The following LVRN variants were observed in gnomAD, a reference collection of about 807,000 sequenced individuals.
LVRN encodes the protein laeverin.
In LVRN, 99 loss-of-function variants were observed where a neutral mutation model predicts 111.4. The observed-to-expected ratio is 0.89, with a 90% CI of 0.76 to 1.05. The LOEUF (loss-of-function observed/expected upper bound fraction) is 1.05, where lower values mean the gene tolerates loss of function less well. Ranked by LOEUF, LVRN falls within the 50% of genes least tolerant of loss-of-function variation. The probability of loss-of-function intolerance (pLI) is 0.00; values close to 1 mark genes in which losing one functional copy is unlikely to be tolerated. For synonymous variants in LVRN, 488 were observed against 449.5 expected, an observed-to-expected ratio of 1.09 and a Z score of -1.08; for missense variants, 1,414 against 1,206.8, an observed-to-expected ratio of 1.17 and a Z score of -2.54.
intron 6 of LVRN, among the ~76,000 whole-genome samples, chr5:115,997,605 G>A (rs1265403397): frequency 1.3e-5 from 2 of 151,848 alleles, no homozygotes; most frequent in African/African-American, 2.4e-5. Context: ...TTGAAGCTGC[G>A]GCGAGCTATG....
At chr5:115,966,937 A>T (rs10463675) in intron 1 of LVRN, among the ~76,000 whole-genome samples, 1 of 151,932 alleles carries the variant, frequency 6.6e-6, no homozygotes, top group East Asian at 1.9e-4. Flanking sequence ...TGCCATCTGT[A>T]TATCAGTCAG....
At chr5:115,999,126 G>A (rs900307624) in intron 6 of LVRN, among the ~76,000 whole-genome samples, 5 of 152,156 alleles carry the variant, frequency 3.3e-5, no homozygotes, top group African/African-American at 9.7e-5. Context: ...AAGACTCTCT[G>A]GCTATAAACT....
At chr5:115,988,668 G>A (rs1176884313) in intron 4 of LVRN, among the ~76,000 whole-genome samples, 1 of 152,140 alleles carries the variant, frequency 6.6e-6, no homozygotes, top group Non-Finnish European at 1.5e-5. Context: ...GTAAATATTT[G>A]GGAGCTTGAG....
Position 115,962,757 on chromosome 5 carries a change from A to G in LVRN, c.140A>G (p.Glu47Gly), listed in dbSNP as rs1212629161. The change falls in exon 1 of 20, where the codon GAG (glutamate) becomes GGG (glycine). Residue 47 changes from glutamate to glycine, a missense_variant. Coordinates refer to ENST00000357872, the MANE Select transcript of LVRN (RefSeq NM_173800.5). ...YGHCERVPPS[E>G]LPGLRDLEAE... is the part of the protein sequence containing the mutation. The stretch of plus-strand genomic sequence containing the variant: ...CACTGCGAGCGCGTCCCACCGTCGG[A>G]GCTGCCTGGACTCAGGGACTTGGAA... 6.2e-7 allele frequency: 1 copy of G among 1,611,420 alleles called. No homozygotes were observed.
chr5:115,967,971 T>A (rs1753237734), intron 1 of LVRN, among the ~76,000 whole-genome samples: 1 of 152,210 alleles, frequency 6.6e-6, no homozygotes, highest in Non-Finnish European at 1.5e-5. Context: ...TCTAGAGCTT[T>A]GTGTGTTTTA....
chr5:115,973,441 C>T (rs986407519), intron 1 of LVRN, among the ~76,000 whole-genome samples: 3 of 152,120 alleles, frequency 2.0e-5, no homozygotes, highest in African/African-American at 7.2e-5. Flanking sequence ...GAAGTATTCC[C>T]TTTTCCTTGA....
In LVRN at chr5:115,962,747, C is replaced by T. The variant is rs755238594; in HGVS notation, c.130C>T (p.Pro44Ser). 5 of 1,611,880 alleles carry T rather than the reference C, an allele frequency of 3.1e-6. 1 individual carries two copies. In the South Asian group the frequency reaches 3.3e-5, roughly 11 times the overall value. ...CTTGTACGGCCACTGCGAGCGCGTC[C>T]CACCGTCGGAGCTGCCTGGACTCAG... is the stretch of plus-strand genomic sequence containing the variant. Reference protein sequence around the residue: ...AALYGHCERVPPSELPGLRDL... With the variant: ...AALYGHCERVSPSELPGLRDL... The change falls in exon 1 of 20, where the codon CCA becomes TCA. Residue 44 changes from proline to serine, a missense_variant. By Grantham distance (74) the Pro-to-Ser change is moderately conservative. Transcript: ENST00000357872.
At chr5:116,023,861 G>T (rs574978502) in intron 19 of LVRN, among the ~76,000 whole-genome samples, 1 of 152,242 alleles carries the variant, frequency 6.6e-6, no homozygotes, top group South Asian at 2.1e-4. Context: ...CAGAAAACAG[G>T]CAGTTTTTTG....
intron 10 of LVRN, 114 bp downstream of exon 10, chr5:116,001,353 C>T: frequency 8.3e-7 from 1 of 1,209,226 alleles, no homozygotes; most frequent in South Asian, 1.3e-5. Context: ...CACACTTCTG[C>T]AATGTGACTG....
chr5:116,002,211 C>T (rs893540342), intron 10 of LVRN, among the ~76,000 whole-genome samples: 3 of 152,158 alleles, frequency 2.0e-5, no homozygotes, highest in Non-Finnish European at 4.4e-5. Flanking sequence ...CTTCAAGACA[C>T]CAGGCTTGTG....
In LVRN at chr5:115,962,936, T is replaced by C. The variant is rs1372259764; in HGVS notation, c.319T>C (p.Tyr107His). 6.2e-7 allele frequency: 1 copy of C among 1,612,986 alleles called. No homozygotes were observed. Among genetic ancestry groups the C allele is most frequent in the Admixed American group, 1.7e-5 (1 of 60,006 alleles). The change falls in exon 1 of 20, where the codon TAC (tyrosine) becomes CAC (histidine). Residue 107 changes from tyrosine (Y) to histidine (H), a missense_variant. By Grantham distance (83) the Tyr-to-His change is moderately conservative (BLOSUM62 2). Coordinates refer to ENST00000357872, the MANE Select transcript of LVRN (RefSeq NM_173800.5). ...GCCGCCCTGGCTCGTGCCGCTGCAC[T>C]ACGATCTGGAGCTGTGGCCGCAGCT... ...RLPPWLVPLHYDLELWPQLRP... is the reference protein window; with the variant it reads ...RLPPWLVPLHHDLELWPQLRP...
Position 115,963,114 on chromosome 5 carries a change from C to A in LVRN, c.497C>A (p.Thr166Asn). ...AEVRGPLSPGTGNATVGRVPV... is the reference protein window; with the variant it reads ...AEVRGPLSPGNGNATVGRVPV... ...GTGCGGGGACCCCTTTCCCCGGGCA[C>A]TGGGAACGCCACAGTGGGCCGCGTG... is the stretch of plus-strand genomic sequence containing the variant. The change falls in exon 1 of 20, where the codon ACT becomes AAT. Residue 166 changes from threonine to asparagine, a missense_variant. Transcript: ENST00000357872. The A allele has an allele frequency of 9.3e-6, 15 of 1,613,602 alleles. No individual in the cohort carries two copies. The highest frequency in any genetic ancestry group is 1.3e-5 in the Non-Finnish European group (15 of 1,179,960).
chr5:115,965,590 G>T (rs1436798877), intron 1 of LVRN, among the ~76,000 whole-genome samples: 1 of 152,118 alleles, frequency 6.6e-6, no homozygotes. Flanking sequence ...TGGTTTTGTT[G>T]TGTCCCCACG....
intron 4 of LVRN, 136 bp from the exon 5 acceptor site, chr5:115,991,987 A>G: frequency 1.3e-6 from 1 of 744,884 alleles, no homozygotes; most frequent in South Asian, 2.3e-5. Context: ...AGTCTTTAAA[A>G]AGCCTTCTCT....
At chr5:115,984,860 T>C in intron 3 of LVRN, 151 bp downstream of exon 3, 3 of 1,095,160 alleles carry the variant, frequency 2.7e-6, no homozygotes, top group East Asian at 2.6e-5. Flanking sequence ...AGTGTGGCTT[T>C]GCAGAATGGG....
intron 4 of LVRN, 100 bp from the exon 5 acceptor site, chr5:115,992,023 G>A: frequency 8.6e-7 from 1 of 1,164,188 alleles, no homozygotes; most frequent in Non-Finnish European, 1.2e-6. Context: ...ATATTCCCTT[G>A]AATTTTTTGG....
chr5:115,963,334 G>GC, intron 1 of LVRN, 22 bp downstream of exon 1: 1 of 1,532,502 alleles, frequency 6.5e-7, no homozygotes, highest in Non-Finnish European at 8.8e-7. Context: ...ACAGCCCGGG[G>GC]CCCCTCTCGG....
At chr5:115,989,987 A>T (rs1223208458) in intron 4 of LVRN, among the ~76,000 whole-genome samples, 2 of 152,134 alleles carry the variant, frequency 1.3e-5, no homozygotes, top group Non-Finnish European at 2.9e-5. Context: ...CTCTCTGAGG[A>T]GGTGAGTTGG....
intron 15 of LVRN, among the ~76,000 whole-genome samples, chr5:116,014,130 T>G (rs1748547723): frequency 6.6e-6 from 1 of 152,202 alleles, no homozygotes; most frequent in Admixed American, 6.5e-5. Flanking sequence ...GGAGAGTGTG[T>G]ACACCCATGT....
Sources: allele counts gnomAD v4.1 joint callset (sites outside exome capture counted in the v4.1 genomes callset), GRCh38; gene constraint gnomAD v4.1.1; transcripts MANE v1.5; gene names NCBI Gene and HGNC (gene_info 2026-07-23, HGNC 2026-07-21).